Variants in CNTN4 observed in about 807,000 individuals in gnomAD.
The protein encoded by CNTN4 is contactin-4.
A neutral mutation model predicts 122.5 loss-of-function variants in CNTN4; 77 were observed. The observed-to-expected ratio is 0.63, with a 90% confidence interval of 0.52 to 0.76. The LOEUF (loss-of-function observed/expected upper bound fraction) is 0.76, where lower values mean the gene tolerates loss of function less well. CNTN4 is among the 30% of genes least tolerant of loss of function. The pLI, the probability that CNTN4 is intolerant of heterozygous loss-of-function variation, is 0.00. For missense variants in CNTN4, 1,256 were observed against 1,259.1 expected, an observed-to-expected ratio of 1.00 and a Z score of 0.04; for synonymous variants, 512 against 447.0, an observed-to-expected ratio of 1.15 and a Z score of -1.83.
chr3:2,901,578 G>A (rs576101522), intron 11 of CNTN4, among the ~76,000 whole-genome samples: 24 of 152,298 alleles, frequency 1.6e-4, no homozygotes, highest in African/African-American at 5.5e-4. Flanking sequence ...CAGGGGTATA[G>A]GTACCTAGGT....
At chr3:2,692,659 G>A (rs947064527) in intron 4 of CNTN4, among the ~76,000 whole-genome samples, 1 of 151,922 alleles carries the variant, frequency 6.6e-6, no homozygotes, top group Non-Finnish European at 1.5e-5. Flanking sequence ...ACACACACTG[G>A]CGCATGCAAA....
At chr3:2,365,048 C>T (rs773732402) in intron 3 of CNTN4, among the ~76,000 whole-genome samples, 39 of 152,058 alleles carry the variant, frequency 2.6e-4, no homozygotes, top group Non-Finnish European at 4.4e-4. Flanking sequence ...AACTTAAGTA[C>T]GTTTCTAAAT....
intron 3 of CNTN4, among the ~76,000 whole-genome samples, chr3:2,413,547 T>G (rs2047304457): frequency 6.6e-6 from 1 of 151,674 alleles, no homozygotes; most frequent in Non-Finnish European, 1.5e-5. Flanking sequence ...TAAACCATGA[T>G]TTCTTTTTTT....
At chr3:2,549,190 A>T (rs2149348348) in intron 3 of CNTN4, among the ~76,000 whole-genome samples, 1 of 152,100 alleles carries the variant, frequency 6.6e-6, no homozygotes, top group African/African-American at 2.4e-5. Flanking sequence ...AATACTCTTT[A>T]TTTCTTTCTC....
chr3:2,254,935 G>A (rs1424701093), intron 2 of CNTN4, among the ~76,000 whole-genome samples: 2 of 152,150 alleles, frequency 1.3e-5, no homozygotes, highest in African/African-American at 2.4e-5. Context: ...GTTGGTTTTG[G>A]TGTTTTAGTC....
chr3:2,376,976 T>C (rs2045842711), intron 3 of CNTN4, among the ~76,000 whole-genome samples: 1 of 151,946 alleles, frequency 6.6e-6, no homozygotes, highest in African/African-American at 2.4e-5. Context: ...GCCAACATGG[T>C]GAAACTCCGT....
chr3:2,963,935 A>C (rs1257984387), intron 13 of CNTN4, among the ~76,000 whole-genome samples: 1 of 152,202 alleles, frequency 6.6e-6, no homozygotes, highest in African/African-American at 2.4e-5. Context: ...AAGAATGGTC[A>C]TAAACAGAAT....
At chr3:2,206,426 T>C (rs2038345279) in intron 2 of CNTN4, among the ~76,000 whole-genome samples, 1 of 152,090 alleles carries the variant, frequency 6.6e-6, no homozygotes, top group Non-Finnish European at 1.5e-5. Flanking sequence ...CTAAAATCAA[T>C]ATACATTTGT....
At chr3:2,724,340 T>C (rs930322277) in intron 4 of CNTN4, among the ~76,000 whole-genome samples, 3 of 152,198 alleles carry the variant, frequency 2.0e-5, no homozygotes, top group African/African-American at 7.2e-5. Flanking sequence ...CCATAAACTT[T>C]ATCTACATTG....
intron 2 of CNTN4, among the ~76,000 whole-genome samples, chr3:2,166,184 A>C (rs2149205296): frequency 6.6e-6 from 1 of 152,272 alleles, no homozygotes; most frequent in African/African-American, 2.4e-5. Context: ...TATCCCCATC[A>C]ACAGTGTTTA....
At chr3:2,189,608 T>C (rs1326042912) in intron 2 of CNTN4, among the ~76,000 whole-genome samples, 1 of 152,186 alleles carries the variant, frequency 6.6e-6, no homozygotes, top group African/African-American at 2.4e-5. Context: ...CGCCTCCATG[T>C]TGTCCCTGAA....
chr3:2,447,962 G>A (rs1321260967), intron 3 of CNTN4, among the ~76,000 whole-genome samples: 1 of 152,136 alleles, frequency 6.6e-6, no homozygotes, highest in Admixed American at 6.5e-5. Flanking sequence ...AAAAAAGATA[G>A]AATCAAGCCT....
At chr3:2,548,871 C>G (rs925470551) in intron 3 of CNTN4, among the ~76,000 whole-genome samples, 1 of 152,066 alleles carries the variant, frequency 6.6e-6, no homozygotes, top group African/African-American at 2.4e-5. Context: ...GTTTGTAGTT[C>G]TCCTTGAAGA....
chr3:2,732,312 G>T (rs932250961), intron 4 of CNTN4, among the ~76,000 whole-genome samples: 2 of 152,142 alleles, frequency 1.3e-5, no homozygotes, highest in African/African-American at 4.8e-5. Flanking sequence ...AGATTCTTCT[G>T]GCGTAGTCAG....
intron 2 of CNTN4, among the ~76,000 whole-genome samples, chr3:2,242,893 A>G (rs781755328): frequency 2.0e-5 from 3 of 152,164 alleles, no homozygotes; most frequent in Non-Finnish European, 4.4e-5. Flanking sequence ...TTCAGTCAAA[A>G]TCTACTGATA....
Position 2,806,269 on chromosome 3 carries a change from T to G in CNTN4, c.359-13217T>G, listed in dbSNP as rs913637505. Among the ~76,000 whole-genome samples the G allele has an allele frequency of 1.1e-3, 172 of 152,178 alleles. 2 individuals are homozygous for G. Among genetic ancestry groups the G allele is most frequent in the African/African-American group, 3.8e-3 (158 of 41,450 alleles). ...CTTTTACAGCAATGCTCTACATACTTTCTTTACACCTTACAGTAGAGCCAC... is the reference window on the plus strand; with the variant it reads ...CTTTTACAGCAATGCTCTACATACTGTCTTTACACCTTACAGTAGAGCCAC... On this transcript the variant is annotated intron_variant, in intron 6 of 24. Transcript: ENST00000418658.
At chr3:2,337,333 C>T (rs1297268382) in intron 2 of CNTN4, among the ~76,000 whole-genome samples, 1 of 152,094 alleles carries the variant, frequency 6.6e-6, no homozygotes, top group African/African-American at 2.4e-5. Flanking sequence ...CATATGTTTT[C>T]TTGTGGTGCT....
intron 3 of CNTN4, among the ~76,000 whole-genome samples, chr3:2,479,673 C>T (rs1219582699): frequency 1.3e-5 from 2 of 152,148 alleles, no homozygotes; most frequent in African/African-American, 4.8e-5. Flanking sequence ...CCTGGGTGTG[C>T]CTGTCTATCA....
intron 12 of CNTN4, among the ~76,000 whole-genome samples, chr3:2,907,187 T>C (rs558604494): frequency 6.6e-6 from 1 of 152,282 alleles, no homozygotes; most frequent in African/African-American, 2.4e-5. Context: ...CTCTTTTGGA[T>C]CAAATAACTA....
Sources: allele counts gnomAD v4.1 joint callset (sites outside exome capture counted in the v4.1 genomes callset), GRCh38; gene constraint gnomAD v4.1.1; transcripts MANE v1.5; gene names NCBI Gene and HGNC (gene_info 2026-07-23, HGNC 2026-07-21).